Variants in ANKS6 observed in about 807,000 individuals in gnomAD.
ANKS6 encodes the protein ankyrin repeat and SAM domain-containing protein 6.
ANKS6 carries 47 observed loss-of-function variants against 77.9 expected under a neutral mutation model. The observed-to-expected ratio is 0.60, with a 90% CI of 0.48 to 0.77. ANKS6 has a LOEUF of 0.77. Ranked by LOEUF, ANKS6 falls within the 30% of genes least tolerant of loss-of-function variation. The pLI, the probability that ANKS6 is intolerant of heterozygous loss-of-function variation, is 0.00. For missense variants in ANKS6, 1,150 were observed against 1,159.1 expected, an observed-to-expected ratio of 0.99 and a Z score of 0.11; for synonymous variants, 488 against 501.7, an observed-to-expected ratio of 0.97 and a Z score of 0.37.
In ANKS6 at chr9:98,745,005, G is replaced by A. The variant is rs1462549576; in HGVS notation, c.2511+554C>T. Among the ~76,000 whole-genome samples the A allele has an allele frequency of 3.3e-5, 5 of 152,124 alleles. No homozygotes were observed. The East Asian group carries it at 9.6e-4, about 29-fold the overall frequency. ...TTTGTGGTTCTTTTTTGTTTTTGGT[G>A]TGTGTGTGCCTTTGGGTGGGCGCGG... On this transcript the variant is annotated intron_variant, in intron 14 of 14. Transcript: ENST00000353234.
intron 2 of ANKS6, among the ~76,000 whole-genome samples, chr9:98,789,392 G>C (rs1834761243): frequency 7.8e-6 from 1 of 127,884 alleles, no homozygotes; most frequent in Admixed American, 8.9e-5. Context: ...GGATTGTTTA[G>C]ACAACTCTTT....
chr9:98,795,514 C>T (rs1835125957), intron 1 of ANKS6, among the ~76,000 whole-genome samples: 1 of 152,180 alleles, frequency 6.6e-6, no homozygotes, highest in East Asian at 1.9e-4. Context: ...TCTACGCATA[C>T]CTCATTCTAC....
chr9:98,736,500 G>C lies in ANKS6; in HGVS notation c.*19C>G, dbSNP rs1831509765. Reference sequence around the variant, plus strand: ...CCCGGGATTCAGAGAGCTCACGCTGGTGGCTGCGGGAAGGAGGATCACGCA... The same window carrying C: ...CCCGGGATTCAGAGAGCTCACGCTGCTGGCTGCGGGAAGGAGGATCACGCA... On this transcript the variant is annotated 3_prime_UTR_variant, in exon 15 of 15. Transcript: ENST00000353234. 1 of 1,596,952 alleles carries C rather than the reference G, an allele frequency of 6.3e-7. No homozygotes were observed. The highest frequency in any genetic ancestry group is 2.2e-5 in the East Asian group (1 of 44,486).
At chr9:98,763,008 G>A (rs144339967) in intron 11 of ANKS6, among the ~76,000 whole-genome samples, 129 of 152,204 alleles carry the variant, frequency 8.5e-4, no homozygotes, top group Middle Eastern at 3.4e-3. Context: ...ACTGAAAGGA[G>A]AAATAGACCA....
At chr9:98,763,148 ATGGACAT>A (rs1291775680) in intron 11 of ANKS6, among the ~76,000 whole-genome samples, 4 of 152,130 alleles carry the variant, frequency 2.6e-5, no homozygotes, top group Non-Finnish European at 5.9e-5. Context: ...TTATACATTT[ATGGACAT>A]TTATAGAACT....
At chr9:98,753,773 T>C (rs1832556317) in intron 12 of ANKS6, among the ~76,000 whole-genome samples, 1 of 152,060 alleles carries the variant, frequency 6.6e-6, no homozygotes, top group East Asian at 1.9e-4. Context: ...TACGGGGTAT[T>C]CACACTGCAG....
Position 98,778,231 on chromosome 9 carries a change from T to C in ANKS6, c.1562A>G (p.Asp521Gly). 1.9e-6 allele frequency: 3 copies of C among 1,614,152 alleles called. No homozygotes were observed. The highest frequency in any genetic ancestry group is 2.5e-6 in the Non-Finnish European group (3 of 1,180,012). ...ALPDAAPVTK[D>G]NGPGSTRGEK... is the part of the protein sequence containing the mutation. ...CACATGCAGACTTTTCTCACCATTG[T>C]CTTTGGTCACAGGGGCCGCATCAGG... is the stretch of plus-strand genomic sequence containing the variant. Residue 521 changes from aspartate to glycine, a missense_variant, in exon 7 of 15, where the codon GAC (aspartate) becomes GGC (glycine). Transcript: ENST00000353234.
chr9:98,770,840 C>T (rs1564202845), intron 10 of ANKS6, 56 bp downstream of exon 10: 17 of 1,333,440 alleles, frequency 1.3e-5, no homozygotes, highest in South Asian at 2.4e-5. Flanking sequence ...GCAGTGCACA[C>T]CCTCAGTCCC....
chr9:98,770,951 G>A lies in ANKS6; in HGVS notation c.1917C>T (p.Gly639=), dbSNP rs369774566. ...GNFNHSPHSS[G]GSSGVGVSRH... ...GGCTCACACCTACCCCACTGGAGCC[G>A]CCCGATGAATGAGGCGAGTGGTTGA... is the stretch of plus-strand genomic sequence containing the variant. Residue 639 remains glycine, a synonymous_variant, in exon 10 of 15, where the codon GGC becomes GGT. Coordinates refer to ENST00000353234, the MANE Select transcript of ANKS6 (RefSeq NM_173551.5). 6.3e-5 allele frequency: 101 copies of A among 1,593,986 alleles called. No individual in the cohort carries two copies. The highest frequency in any genetic ancestry group is 3.9e-4 in the South Asian group (34 of 87,432).
At chr9:98,781,996 T>C (rs1368218404) in intron 5 of ANKS6, among the ~76,000 whole-genome samples, 1 of 151,768 alleles carries the variant, frequency 6.6e-6, no homozygotes. Flanking sequence ...GAGGCCAAAA[T>C]GGGGTGGAAC....
intron 14 of ANKS6, among the ~76,000 whole-genome samples, chr9:98,741,931 T>C (rs950537928): frequency 1.3e-5 from 2 of 152,254 alleles, no homozygotes; most frequent in Non-Finnish European, 2.9e-5. Flanking sequence ...TCACACCCTG[T>C]TTTCATGTAA....
chr9:98,777,246 T>G (rs954581732), intron 8 of ANKS6, among the ~76,000 whole-genome samples, 159 bp downstream of exon 8: 3 of 152,212 alleles, frequency 2.0e-5, no homozygotes, highest in Non-Finnish European at 4.4e-5. Flanking sequence ...CTGTTCTGAC[T>G]CCTCAGTGCC....
Position 98,734,493 on chromosome 9 carries a change from T to C in ANKS6, c.*2026A>G, listed in dbSNP as rs1184290554. The C allele has an allele frequency of 1.3e-5, 13 of 985,390 alleles. No individual in the cohort carries two copies. In the Admixed American group the frequency reaches 3.1e-4, roughly 23 times the overall value. 61.0% of individuals were successfully genotyped at this position (985,390 alleles called of 1,614,324 possible). A position where few individuals can be genotyped will look rare whatever the true frequency, so the allele number is the denominator to read the frequency against. ...GGCCATGAATTTCAGAGGCAAACAA[T>C]TCTAGGCCTACTGTTAACCCCTGAA... On this transcript the variant is annotated 3_prime_UTR_variant, in exon 15 of 15. Coordinates refer to ENST00000353234, the MANE Select transcript of ANKS6 (RefSeq NM_173551.5).
chr9:98,752,085 C>T (rs1469947265), intron 12 of ANKS6, among the ~76,000 whole-genome samples: 3 of 114,928 alleles, frequency 2.6e-5, no homozygotes, highest in Admixed American at 1.8e-4. Flanking sequence ...CAAAGCAAGA[C>T]CCTGTCACAA....
Position 98,790,510 on chromosome 9 carries a change from A to G in ANKS6, c.456T>C (p.Ser152=), listed in dbSNP as rs768661971. 1 of 1,613,564 alleles carries G rather than the reference A, an allele frequency of 6.2e-7. No individual in the cohort carries two copies. Among genetic ancestry groups the G allele is most frequent in the East Asian group, 2.2e-5 (1 of 44,868 alleles). ...RLGASVLTVA[S]RGGHLGVVKL... Reference sequence around the variant, plus strand: ...TCACCACACCCAGGTGGCCGCCCCGAGAAGCCACAGTGAGCACACTGGCCC... The same window carrying G: ...TCACCACACCCAGGTGGCCGCCCCGGGAAGCCACAGTGAGCACACTGGCCC... Residue 152 remains serine, a synonymous_variant, in exon 2 of 15, where the codon TCT becomes TCC. Coordinates refer to ENST00000353234, the MANE Select transcript of ANKS6 (RefSeq NM_173551.5).
intron 12 of ANKS6, among the ~76,000 whole-genome samples, chr9:98,756,154 G>A (rs909608119): frequency 6.6e-6 from 1 of 152,158 alleles, no homozygotes; most frequent in Admixed American, 6.5e-5. Flanking sequence ...TCGTGTTGGA[G>A]AAGCACTTCC....
intron 5 of ANKS6, among the ~76,000 whole-genome samples, chr9:98,780,569 G>A (rs1460181770): frequency 6.6e-6 from 1 of 152,218 alleles, no homozygotes; most frequent in Non-Finnish European, 1.5e-5. Flanking sequence ...TCTCTCATGA[G>A]GAAGGCAGGG....
chr9:98,785,066 C>T (rs1346392610), intron 2 of ANKS6, among the ~76,000 whole-genome samples, 190 bp from the exon 3 acceptor site: 1 of 152,198 alleles, frequency 6.6e-6, no homozygotes, highest in African/African-American at 2.4e-5. Context: ...CATCTGAAAA[C>T]ACTTCAGAGA....
At chr9:98,744,593 T>C (rs1038611116) in intron 14 of ANKS6, among the ~76,000 whole-genome samples, 9 of 152,234 alleles carry the variant, frequency 5.9e-5, no homozygotes, top group South Asian at 4.1e-4. Flanking sequence ...TGGTGGTATG[T>C]GTCTGTTCAA....
Sources: gnomAD v4.1 joint callset for allele counts (sites outside exome capture counted in the v4.1 genomes callset) on GRCh38, gnomAD v4.1.1 for gene constraint, MANE v1.5 for transcripts, NCBI Gene and HGNC (gene_info 2026-07-23, HGNC 2026-07-21) for gene names.